Variants in RAD51D observed in about 807,000 individuals in gnomAD.
RAD51D encodes the protein RAD51 paralog D.
In RAD51D, 38 loss-of-function variants were observed where a neutral mutation model predicts 44.1. The ratio of observed to expected loss-of-function variants is 0.86; its 90% CI spans 0.67 to 1.13. The LOEUF (loss-of-function observed/expected upper bound fraction) is 1.13. Ranked by LOEUF, RAD51D falls within the 50% of genes most tolerant of loss-of-function variation. The probability of loss-of-function intolerance (pLI) is 0.00; values close to 1 mark genes in which losing one functional copy is unlikely to be tolerated. For synonymous variants in RAD51D, 141 were observed against 166.6 expected (o/e 0.85, Z 1.18); for missense variants, 390 against 414.0 (o/e 0.94, Z 0.50).
At position 35,093,178 on chromosome 17, in the gene RAD51D, G is replaced by A. The variant is rs2091466741; in HGVS notation, c.*7775C>T. On this transcript the variant is annotated 3_prime_UTR_variant, in exon 10 of 10. Transcript: ENST00000345365. ...TATATCATGCCTGGAAAACTATTCAGTGTTTTACATAAGTTACATGATCCT... is the reference window on the plus strand; with the variant it reads ...TATATCATGCCTGGAAAACTATTCAATGTTTTACATAAGTTACATGATCCT... The A allele has an allele frequency of 6.6e-6, 1 of 151,938 alleles. No homozygotes were observed. The highest frequency in any genetic ancestry group is 6.6e-5 in the Admixed American group (1 of 15,248). The allele number at this position is 151,938 out of a possible 1,614,324, so 9.4% of individuals were successfully genotyped here.
intron 6 of RAD51D, chr17:35,105,050 T>A (rs2091582869): frequency 6.6e-6 from 1 of 152,188 alleles, no homozygotes; most frequent in African/African-American, 2.4e-5. Flanking sequence ...TATTATGCAA[T>A]AATAGAAGAT....
chr17:35,106,391 G>A lies in RAD51D; in HGVS notation c.571C>T (p.Gln191Ter), dbSNP rs2142428821. 6.2e-7 allele frequency: 1 copy of A among 1,612,832 alleles called. No homozygotes were observed. The highest frequency in any genetic ancestry group is 8.5e-7 in the Non-Finnish European group (1 of 1,179,382). ...GGGCAGAACAGCAGGCTCACCTGCT[G>A]GGCCACAGTGCCTCGGAGCTCCTGC... ...VLQELRGTVA[Q>*]QVTGSSGTVK... Residue 191 changes from glutamine to a stop codon, truncating the protein, a stop_gained, in exon 6 of 10, where the codon CAG (glutamine) becomes TAG (stop). Transcript: ENST00000345365. LOFTEE classifies it high-confidence loss of function.
rs575005798 is a variant in RAD51D, at chr17:35,111,556, ACT to A, written c.264-4111_264-4110del. ...CCTCCATCCTGGGTGACAGAGCAAG[ACT>A]CTGTCTCAAAAAAAAAAAAATTAGT... On this transcript the variant is annotated intron_variant, in intron 3 of 9. Coordinates refer to ENST00000345365, the MANE Select transcript of RAD51D (RefSeq NM_002878.4). Among the ~76,000 whole-genome samples, 551 of 151,172 alleles carry A rather than the reference ACT, an allele frequency of 3.6e-3. 4 individuals carry two copies. The highest frequency in any genetic ancestry group is 0.012 in the African/African-American group (498 of 41,104).
In RAD51D at chr17:35,108,897, C is replaced by T. The variant is rs113817091; in HGVS notation, c.264-1450G>A. Among the ~76,000 whole-genome samples, 4 of 144,476 alleles carry T rather than the reference C, an allele frequency of 2.8e-5. No individual in the cohort carries two copies. In the East Asian group the frequency reaches 6.0e-4, roughly 22 times the overall value. The allele number at this position is 144,476 out of a possible 152,430, so 94.8% of individuals were successfully genotyped here. ...TTTTTTTTTTTTTGAGACGGAGTCT[C>T]GCTCTGTCGCCCAGGCTGGAGTGCA... is the stretch of plus-strand genomic sequence containing the variant. On this transcript the variant is annotated intron_variant, in intron 3 of 9. Transcript: ENST00000345365.
In RAD51D at chr17:35,100,887, C is replaced by A. The variant is rs570462507; in HGVS notation, c.*66G>T. On this transcript the variant is annotated 3_prime_UTR_variant, in exon 10 of 10. Transcript: ENST00000345365. ...GTGCCAGGTGGCAGTAAACAGCAGG[C>A]GTTACTGGGAAGAAAAGTTGGGAGG... 1 of 1,336,054 alleles carries A rather than the reference C, an allele frequency of 7.5e-7. No homozygotes were observed. The highest frequency in any genetic ancestry group is 1.7e-5 in the Admixed American group (1 of 59,492). The allele number at this position is 1,336,054 out of a possible 1,614,324, so 82.8% of individuals were successfully genotyped here. A position where few individuals can be genotyped will look rare whatever the true frequency, so the allele number is the denominator to read the frequency against.
intron 4 of RAD51D, 42 bp from the exon 5 acceptor site, chr17:35,107,164 G>C (rs771802292): frequency 6.2e-7 from 1 of 1,611,250 alleles, no homozygotes; most frequent in Non-Finnish European, 8.5e-7. Flanking sequence ...CTTCAGAGAG[G>C]GTCCAGATGG....
At chr17:35,110,895 CAGG>C (rs1156814611) in intron 3 of RAD51D, among the ~76,000 whole-genome samples, 1 of 152,008 alleles carries the variant, frequency 6.6e-6, no homozygotes, top group Non-Finnish European at 1.5e-5. Context: ...CACCTGAGGT[CAGG>C]AGTTCAAGAC....
At position 35,100,547 on chromosome 17, in the gene RAD51D, AGC is replaced by A; in HGVS notation, c.*404_*405del. ...GACAAAAGAAAAAAAAGGCAGCAGC[AGC>A]AAAGGCAAGTTAGAGGCTTTCCCGG... On this transcript the variant is annotated 3_prime_UTR_variant, in exon 10 of 10. Transcript: ENST00000345365. The A allele has an allele frequency of 1.8e-6, 1 of 543,018 alleles. No homozygotes were observed. Among genetic ancestry groups the A allele is most frequent in the Non-Finnish European group, 3.5e-6 (1 of 282,638 alleles). The allele number at this position is 543,018 out of a possible 1,614,324, so 33.6% of individuals were successfully genotyped here.
chr17:35,111,655 G>A (rs2091678591), intron 3 of RAD51D, among the ~76,000 whole-genome samples: 1 of 152,098 alleles, frequency 6.6e-6, no homozygotes, highest in Non-Finnish European at 1.5e-5. Flanking sequence ...TCTGTCCCTT[G>A]GTCAATACCA....
In RAD51D at chr17:35,103,672, G is replaced by T; in HGVS notation, c.577-128C>A. The T allele has an allele frequency of 1.4e-6, 1 of 723,782 alleles. No homozygotes were observed. The highest frequency in any genetic ancestry group is 1.5e-5 in the South Asian group (1 of 67,228). 44.8% of individuals were successfully genotyped at this position (723,782 alleles called of 1,614,324 possible). On this transcript the variant is annotated intron_variant, in intron 6 of 9. Coordinates refer to ENST00000345365, the MANE Select transcript of RAD51D (RefSeq NM_002878.4). The surrounding 1 kb of genome is among the most constrained non-coding windows in gnomAD (Gnocchi z 4.1). ...CATCCCAAATACAGCAAGCTGCACG[G>T]GCATCACAGAATGTCATCAGCAGCA... is the stretch of plus-strand genomic sequence containing the variant.
intron 3 of RAD51D, among the ~76,000 whole-genome samples, chr17:35,116,070 A>C (rs2091742450): frequency 2.8e-5 from 1 of 36,178 alleles, no homozygotes; most frequent in African/African-American, 1.4e-4. Flanking sequence ...AACTCCGACA[A>C]AAAAAAAAAA....
At chr17:35,119,284 C>A (rs891104780) in intron 1 of RAD51D, 112 bp from the exon 2 acceptor site, 28 of 1,060,652 alleles carry the variant, frequency 2.6e-5, no homozygotes, top group Middle Eastern at 4.2e-4. Flanking sequence ...CAGGCCGTCT[C>A]AGGAGGCCAG....
intron 6 of RAD51D, among the ~76,000 whole-genome samples, chr17:35,104,612 G>A (rs764642762): frequency 1.1e-4 from 16 of 152,016 alleles, no homozygotes; most frequent in Non-Finnish European, 2.2e-4. Flanking sequence ...CTCGAAATCC[G>A]GCCTCAAGTG....
In RAD51D at chr17:35,103,297, C is replaced by T. The variant is rs28363283; in HGVS notation, c.695G>A (p.Arg232Gln). ...EGLALMMQLARELKTLARDLG... is the reference protein window; with the variant it reads ...EGLALMMQLAQELKTLARDLG... ...GTCCCGGGCCAGGGTCTTCAGCTCT[C>T]GGGCCAGCTGCATCATCAAGGCCAA... Residue 232 changes from arginine to glutamine, a missense_variant, in exon 8 of 10, where the codon CGA becomes CAA. Physicochemically the swap from Arg to Gln is conservative, Grantham distance 43 (BLOSUM62 1). Coordinates refer to ENST00000345365, the MANE Select transcript of RAD51D (RefSeq NM_002878.4). The surrounding 1 kb of genome is among the most constrained non-coding windows in gnomAD (Gnocchi z 4.1). 8.6e-4 allele frequency: 1,385 copies of T among 1,611,706 alleles called. 8 individuals carry two copies. In the African/African-American group the frequency reaches 0.014, roughly 16 times the overall value.
rs1567735764 is a variant in RAD51D at position 35,119,094 on chromosome 17, G to A, written c.144+17C>T. On this transcript the variant is annotated intron_variant, in intron 2 of 9. Transcript: ENST00000345365. ...AAAAAGACACTCAGGTTTGGAATGT[G>A]GAGATCAGGAGCTCACCTTGTAAGA... is the stretch of plus-strand genomic sequence containing the variant. The A allele has an allele frequency of 6.2e-7, 1 of 1,608,478 alleles. No homozygotes were observed. The highest frequency in any genetic ancestry group is 8.5e-7 in the Non-Finnish European group (1 of 1,174,874).
intron 3 of RAD51D, among the ~76,000 whole-genome samples, chr17:35,116,620 G>A (rs1042657387): frequency 6.6e-5 from 10 of 151,914 alleles, no homozygotes; most frequent in African/African-American, 1.2e-4. Flanking sequence ...TCAGCCTTCC[G>A]AGTAGCTGGG....
chr17:35,117,646 C>T (rs542588632), intron 3 of RAD51D, among the ~76,000 whole-genome samples: 166 of 152,266 alleles, frequency 1.1e-3, no homozygotes, highest in African/African-American at 3.8e-3. Flanking sequence ...CCCGCCACCA[C>T]GCCCGACTAA....
At chr17:35,116,836 G>T in intron 3 of RAD51D, 2 of 1,486,628 alleles carry the variant, frequency 1.3e-6, no homozygotes, top group Non-Finnish European at 1.8e-6. Flanking sequence ...TGGTGGTTGT[G>T]ACGAATAAAT....
chr17:35,119,774 G>A lies in RAD51D; in HGVS notation c.-161C>T. The A allele has an allele frequency of 1.3e-6, 1 of 762,732 alleles. No individual in the cohort carries two copies. The highest frequency in any genetic ancestry group is 2.0e-5 in the Admixed American group (1 of 49,934). The allele number at this position is 762,732 out of a possible 1,614,324, so 47.2% of individuals were successfully genotyped here. A position where few individuals can be genotyped will look rare whatever the true frequency, so the allele number is the denominator to read the frequency against. On this transcript the variant is annotated 5_prime_UTR_variant, in exon 1 of 10. Coordinates refer to ENST00000345365, the MANE Select transcript of RAD51D (RefSeq NM_002878.4). ...AGAGGAGGAGGCGGCACCAAGGGTA[G>A]GGCTGGGGGTCATCCGCCCGCCCGG...
Sources: allele counts gnomAD v4.1 joint callset (sites outside exome capture counted in the v4.1 genomes callset), GRCh38; gene constraint gnomAD v4.1.1; non-coding constraint Gnocchi (gnomAD v3.1); transcripts MANE v1.5; gene names NCBI Gene and HGNC (gene_info 2026-07-23, HGNC 2026-07-21).